Variants in TENM2 observed in about 807,000 individuals in gnomAD.
TENM2 encodes the protein teneurin transmembrane protein 2.
TENM2 carries 52 observed loss-of-function variants against 245.2 expected under a neutral mutation model. The ratio of observed to expected loss-of-function variants is 0.21; its 90% CI spans 0.17 to 0.27. The LOEUF is 0.27. Among genes scored for constraint, TENM2 ranks in the 10% least tolerant of loss-of-function variants. TENM2 has a pLI of 1.00. For synonymous variants in TENM2, 1,363 were observed against 1,438.9 expected (o/e 0.95, Z 1.19); for missense variants, 3,046 against 3,666.8 (o/e 0.83, Z 4.37).
chr5:167,586,826 T>A (rs952166484), intron 2 of TENM2, among the ~76,000 whole-genome samples: 2 of 151,986 alleles, frequency 1.3e-5, no homozygotes, highest in African/African-American at 2.4e-5. Context: ...TTTTCTTCAA[T>A]TTAGTTAGAT....
the TENM2 span, among the ~76,000 whole-genome samples, chr5:167,194,441 G>A: frequency 6.6e-6 from 1 of 152,020 alleles, no homozygotes; most frequent in East Asian, 1.9e-4. Context: ...GTACATCAAA[G>A]CTCATCTAAT....
chr5:167,740,341 G>A (rs938996393), intron 2 of TENM2, among the ~76,000 whole-genome samples: 1 of 152,038 alleles, frequency 6.6e-6, no homozygotes, highest in Non-Finnish European at 1.5e-5. Flanking sequence ...TTCAGCTTAA[G>A]GCAGCAGCTT....
At chr5:167,413,870 C>T (rs970462444) in intron 2 of TENM2, among the ~76,000 whole-genome samples, 1 of 152,144 alleles carries the variant, frequency 6.6e-6, no homozygotes, top group African/African-American at 2.4e-5. Flanking sequence ...AACTGCAAGA[C>T]AGTACATTGA....
intron 2 of TENM2, among the ~76,000 whole-genome samples, chr5:167,713,096 T>C (rs1759017986): frequency 6.6e-6 from 1 of 152,134 alleles, no homozygotes; most frequent in African/African-American, 2.4e-5. Context: ...TATACACATG[T>C]ATATTTTTAA....
the TENM2 span, among the ~76,000 whole-genome samples, chr5:167,159,375 G>A: frequency 6.6e-6 from 1 of 152,112 alleles, no homozygotes; most frequent in South Asian, 2.1e-4. Flanking sequence ...GGCAAAGTTA[G>A]ACAGGAGGAA....
At chr5:167,164,448 T>G in the TENM2 span, among the ~76,000 whole-genome samples, 9 of 152,232 alleles carry the variant, frequency 5.9e-5, no homozygotes, top group African/African-American at 1.9e-4. Context: ...CTTGCTATTA[T>G]GTTCTGAGGC....
chr5:167,686,242 A>G (rs1019423237), intron 2 of TENM2, among the ~76,000 whole-genome samples: 4 of 152,220 alleles, frequency 2.6e-5, no homozygotes, highest in African/African-American at 9.6e-5. Flanking sequence ...ATGCAGATTC[A>G]TGCTTAATGA....
At chr5:168,012,655 A>G (rs867623304) in intron 5 of TENM2, among the ~76,000 whole-genome samples, 8 of 151,176 alleles carry the variant, frequency 5.3e-5, no homozygotes, top group African/African-American at 2.0e-4. Context: ...CTCAAAAAAA[A>G]AAAAACAAAA....
At chr5:167,452,175 G>A (rs949400565) in intron 2 of TENM2, among the ~76,000 whole-genome samples, 1 of 152,144 alleles carries the variant, frequency 6.6e-6, no homozygotes, top group Non-Finnish European at 1.5e-5. Flanking sequence ...CTATGTACTT[G>A]CTTCTGGCTT....
chr5:167,879,575 G>T (rs1445752820), intron 3 of TENM2, among the ~76,000 whole-genome samples: 1 of 152,218 alleles, frequency 6.6e-6, no homozygotes, highest in Non-Finnish European at 1.5e-5. Flanking sequence ...TCAGAATAGG[G>T]TTTGCAGTTT....
intron 2 of TENM2, among the ~76,000 whole-genome samples, chr5:167,641,910 AG>A (rs1262087619): frequency 2.0e-5 from 3 of 152,090 alleles, no homozygotes; most frequent in Non-Finnish European, 2.9e-5. Flanking sequence ...TGGGATGCCG[AG>A]GTGGGCGAAT....
At chr5:167,997,186 G>C (rs971564470) in intron 5 of TENM2, among the ~76,000 whole-genome samples, 1 of 152,194 alleles carries the variant, frequency 6.6e-6, no homozygotes, top group Non-Finnish European at 1.5e-5. Context: ...TCCTGGCCTA[G>C]GTAGATAGTT....
At chr5:167,663,156 G>C (rs1328960519) in intron 2 of TENM2, among the ~76,000 whole-genome samples, 1 of 144,978 alleles carries the variant, frequency 6.9e-6, no homozygotes, top group Non-Finnish European at 1.5e-5. Flanking sequence ...GAGAGAGAGA[G>C]AGAGAGAGAG....
chr5:168,197,778 G>A (rs1014954964), intron 15 of TENM2, among the ~76,000 whole-genome samples: 2 of 151,304 alleles, frequency 1.3e-5, no homozygotes, highest in South Asian at 2.1e-4. Context: ...CTCTGTTAAC[G>A]TCCTTGTTTT....
the TENM2 span, among the ~76,000 whole-genome samples, chr5:167,104,490 C>T: frequency 6.6e-6 from 1 of 152,080 alleles, no homozygotes; most frequent in African/African-American, 2.4e-5. Flanking sequence ...ATTGAATTAC[C>T]AACATTAAAC....
chr5:167,899,335 C>A (rs567464975), intron 3 of TENM2, among the ~76,000 whole-genome samples: 1 of 152,092 alleles, frequency 6.6e-6, no homozygotes, highest in African/African-American at 2.4e-5. Flanking sequence ...GCCAGCAATA[C>A]CAAACGCCAA....
chr5:167,665,357 G>A (rs1755501978), intron 2 of TENM2, among the ~76,000 whole-genome samples: 1 of 151,986 alleles, frequency 6.6e-6, no homozygotes, highest in African/African-American at 2.4e-5. Flanking sequence ...CCTGGTCACA[G>A]ACCTCACCAA....
intron 2 of TENM2, among the ~76,000 whole-genome samples, chr5:167,794,937 G>A (rs1439092561): frequency 6.6e-6 from 1 of 152,154 alleles, no homozygotes; most frequent in Non-Finnish European, 1.5e-5. Context: ...TTAACATTGG[G>A]GAGACTGGGT....
chr5:168,019,656 T>C (rs529344964), intron 5 of TENM2, among the ~76,000 whole-genome samples: 1 of 152,214 alleles, frequency 6.6e-6, no homozygotes, highest in Non-Finnish European at 1.5e-5. Context: ...GTTCCTATAA[T>C]GTACAATGAA....
Sources: allele counts gnomAD v4.1 joint callset (sites outside exome capture counted in the v4.1 genomes callset), GRCh38; gene constraint gnomAD v4.1.1; transcripts MANE v1.5; gene names NCBI Gene and HGNC (gene_info 2026-07-23, HGNC 2026-07-21).